Variants in FGFR1 observed in about 807,000 individuals in gnomAD.
FGFR1 encodes the protein fibroblast growth factor receptor 1, also known as FGFR1/PLAG1 fusion.
In FGFR1, 18 loss-of-function variants were observed where a neutral mutation model predicts 93.7. That is an observed-to-expected ratio of 0.19 (90% CI 0.13 to 0.28). The LOEUF (loss-of-function observed/expected upper bound fraction) is 0.28. Ranked by LOEUF, FGFR1 falls within the 10% of genes least tolerant of loss-of-function variation. The pLI is 1.00. For missense variants in FGFR1, 731 were observed against 1,080.4 expected, an observed-to-expected ratio of 0.68 and a Z score of 4.53; for synonymous variants, 448 against 429.3, an observed-to-expected ratio of 1.04 and a Z score of -0.54.
chr8:38,464,312 C>CAAAAAAAAAA (rs56133772), intron 1 of FGFR1, among the ~76,000 whole-genome samples: 2 of 82,398 alleles, frequency 2.4e-5, no homozygotes, highest in Admixed American at 1.4e-4. Flanking sequence ...GAGACTATCT[C>CAAAAAAAAAA]AAAAAAAAAA....
rs1563424702 is a variant in FGFR1 at position 38,413,446 on chromosome 8, G to C, written c.*182C>G. 1 of 619,864 alleles carries C rather than the reference G, an allele frequency of 1.6e-6. No individual in the cohort carries two copies. Among genetic ancestry groups the C allele is most frequent in the Non-Finnish European group, 2.8e-6 (1 of 352,064 alleles). The allele number at this position is 619,864 out of a possible 1,614,324, so 38.4% of individuals were successfully genotyped here. ...TGCACCTCTCACCAGCAGGTGGAGA[G>C]GAGGTGGAGGGAGAGGTGAGCTGAG... On this transcript the variant is annotated 3_prime_UTR_variant, in exon 18 of 18. Coordinates refer to ENST00000447712, the MANE Select transcript of FGFR1 (RefSeq NM_023110.3). This position sits in a 1 kb window ranked among gnomAD's most constrained non-coding sequence, Gnocchi z 4.2.
chr8:38,428,265 C>T (rs1351376933), intron 4 of FGFR1, 81 bp downstream of exon 4: 18 of 1,509,344 alleles, frequency 1.2e-5, no homozygotes, highest in South Asian at 6.8e-5. Flanking sequence ...CCCTCCTCTT[C>T]CTCCCCTTTC....
intron 2 of FGFR1, among the ~76,000 whole-genome samples, chr8:38,443,882 C>T (rs1055452341): frequency 6.6e-6 from 1 of 151,432 alleles, no homozygotes; most frequent in Non-Finnish European, 1.5e-5. Context: ...GGAGAAACCC[C>T]GTGTCTACTA....
chr8:38,424,464 C>A lies in FGFR1; in HGVS notation c.936+45G>T, dbSNP rs1409740178. On this transcript the variant is annotated intron_variant, in intron 7 of 17. Coordinates refer to ENST00000447712, the MANE Select transcript of FGFR1 (RefSeq NM_023110.3). The surrounding 1 kb of genome is among the most constrained non-coding windows in gnomAD (Gnocchi z 4.3). ...GAACTTGAGCCCCCGAGACAGTGGT[C>A]TCCTTCCCAGTAGACTGGCCCACGA... is the stretch of plus-strand genomic sequence containing the variant. The A allele has an allele frequency of 6.2e-7, 1 of 1,610,924 alleles. No homozygotes were observed. The highest frequency in any genetic ancestry group is 8.5e-7 in the Non-Finnish European group (1 of 1,177,186).
intron 2 of FGFR1, among the ~76,000 whole-genome samples, chr8:38,450,445 G>A (rs964909120): frequency 5.9e-5 from 9 of 152,266 alleles, no homozygotes; most frequent in Non-Finnish European, 1.2e-4. Flanking sequence ...GCTGCTGGTC[G>A]GGCTCTCTGA....
At chr8:38,463,502 C>T (rs1834868365) in intron 1 of FGFR1, 1 of 219,652 alleles carries the variant, frequency 4.6e-6, no homozygotes, top group Non-Finnish European at 9.1e-6. Flanking sequence ...CTGCAGGCTC[C>T]TTCAGAACAG....
intron 2 of FGFR1, among the ~76,000 whole-genome samples, chr8:38,451,650 C>A (rs781606099): frequency 4.6e-5 from 7 of 152,130 alleles, no homozygotes; most frequent in African/African-American, 1.2e-4. Context: ...CCTCTCCCCC[C>A]TCTAACAAGC....
intron 2 of FGFR1, among the ~76,000 whole-genome samples, chr8:38,454,088 C>T (rs114032242): frequency 4.7e-4 from 72 of 152,238 alleles, no homozygotes; most frequent in African/African-American, 1.6e-3. Context: ...AGAGCCCCAT[C>T]CACCTCTCTT....
chr8:38,439,176 G>T (rs1239102142), intron 2 of FGFR1, among the ~76,000 whole-genome samples: 1 of 152,156 alleles, frequency 6.6e-6, no homozygotes, highest in African/African-American at 2.4e-5. Flanking sequence ...ACAAAACAGG[G>T]ACAAGCTCTA....
chr8:38,461,051 G>A lies in FGFR1; in HGVS notation c.-88-3517C>T, dbSNP rs778747075. The A allele has an allele frequency of 2.6e-5, 40 of 1,534,832 alleles. No homozygotes were observed. The South Asian group carries it at 4.6e-4, about 18-fold the overall frequency. The stretch of plus-strand genomic sequence containing the variant: ...GTCCTCGGTGGGGAGCAGAGAGGGG[G>A]CACATCTCAGTTTCCCACTCATCAG... On this transcript the variant is annotated intron_variant, in intron 1 of 17. Transcript: ENST00000447712.
At chr8:38,430,449 C>CGAGA (rs1408389370) in intron 2 of FGFR1, 1 of 157,358 alleles carries the variant, frequency 6.4e-6, no homozygotes, top group East Asian at 1.9e-4. Context: ...CTGCCCAAGT[C>CGAGA]GAGAGAAGGC....
At chr8:38,455,966 C>T (rs940019464) in intron 2 of FGFR1, among the ~76,000 whole-genome samples, 1 of 152,180 alleles carries the variant, frequency 6.6e-6, no homozygotes, top group African/African-American at 2.4e-5. Flanking sequence ...CCACCGTGCT[C>T]CAGCTCAGAC....
intron 1 of FGFR1, among the ~76,000 whole-genome samples, chr8:38,461,501 G>A (rs886785601): frequency 2.6e-5 from 4 of 152,104 alleles, no homozygotes; most frequent in Non-Finnish European, 5.9e-5. Context: ...TAAAAATGGG[G>A]TCTCACCATG....
intron 1 of FGFR1, among the ~76,000 whole-genome samples, chr8:38,464,312 C>CAAAAAAAA (rs56133772): frequency 7.3e-5 from 6 of 82,384 alleles, no homozygotes; most frequent in African/African-American, 9.3e-5. Flanking sequence ...GAGACTATCT[C>CAAAAAAAA]AAAAAAAAAA....
chr8:38,422,646 C>T lies in FGFR1; in HGVS notation c.937-705G>A, dbSNP rs547916934. 23 of 293,814 alleles carry T rather than the reference C, an allele frequency of 7.8e-5. No individual in the cohort carries two copies. In the East Asian group the frequency reaches 1.1e-3, roughly 13 times the overall value. The allele number at this position is 293,814 out of a possible 1,614,324, so 18.2% of individuals were successfully genotyped here. A position where few individuals can be genotyped will look rare whatever the true frequency, so the allele number is the denominator to read the frequency against. ...CAAACTCCTGGCTTCAAGCGATCCT[C>T]CCACCTCAGCCTCCCAAAGTGCTGG... On this transcript the variant is annotated intron_variant, in intron 7 of 17. Transcript: ENST00000447712.
intron 6 of FGFR1, chr8:38,425,813 C>T (rs1270647539): frequency 1.7e-5 from 7 of 419,950 alleles, no homozygotes; most frequent in East Asian, 5.1e-5. Flanking sequence ...TAGCATTAAG[C>T]GACAGCTCCT....
Position 38,468,009 on chromosome 8 carries a change from G to A in FGFR1, c.-117C>T, listed in dbSNP as rs994485282. On this transcript the variant is annotated 5_prime_UTR_variant, in exon 1 of 18. Coordinates refer to ENST00000447712, the MANE Select transcript of FGFR1 (RefSeq NM_023110.3). ...GCTCGGCGTGGAGGTTCCGCCTCGG[G>A]AGAGTCCGCCGTGGCTTGTGCGAGC... The A allele has an allele frequency of 9.1e-6, 2 of 220,542 alleles. No homozygotes were observed. The highest frequency in any genetic ancestry group is 1.8e-5 in the Non-Finnish European group (2 of 110,048). 13.7% of individuals were successfully genotyped at this position (220,542 alleles called of 1,614,324 possible). A position where few individuals can be genotyped will look rare whatever the true frequency, so the allele number is the denominator to read the frequency against.
At chr8:38,465,227 G>A (rs1187930874) in intron 1 of FGFR1, among the ~76,000 whole-genome samples, 1 of 152,216 alleles carries the variant, frequency 6.6e-6, no homozygotes, top group Non-Finnish European at 1.5e-5. Flanking sequence ...CACCCTCCAT[G>A]GCCAGAGGCC....
intron 1 of FGFR1, 139 bp downstream of exon 1, chr8:38,467,842 A>T: frequency 4.8e-6 from 1 of 209,878 alleles, no homozygotes. Context: ...AGGAGGTGAA[A>T]GGGGCGGGCG....
Sources: gnomAD v4.1 joint callset for allele counts (sites outside exome capture counted in the v4.1 genomes callset) on GRCh38, gnomAD v4.1.1 for gene constraint, Gnocchi (gnomAD v3.1) non-coding constraint, MANE v1.5 for transcripts, NCBI Gene and HGNC (gene_info 2026-07-23, HGNC 2026-07-21) for gene names.